RGS22: variants seen among roughly 807,000 people sequenced by gnomAD.
RGS22 encodes the protein regulator of G-protein signaling 22.
In RGS22, 148 loss-of-function variants were observed where a neutral mutation model predicts 172.9. The observed-to-expected ratio is 0.86, with a 90% CI of 0.75 to 0.98. RGS22 has a LOEUF of 0.98. RGS22 is among the 50% of genes least tolerant of loss of function. The pLI is 0.00. For synonymous variants in RGS22, 458 were observed against 480.2 expected (o/e 0.95, Z 0.60); for missense variants, 1,347 against 1,440.8 (o/e 0.93, Z 1.05).
At chr8:99,991,683 G>C (rs975349508) in intron 20 of RGS22, among the ~76,000 whole-genome samples, 1 of 152,138 alleles carries the variant, frequency 6.6e-6, no homozygotes, top group African/African-American at 2.4e-5. Flanking sequence ...AACCAAGTTG[G>C]AAAACACTCT....
At chr8:100,094,681 T>C (rs572866815) in intron 2 of RGS22, among the ~76,000 whole-genome samples, 8 of 152,322 alleles carry the variant, frequency 5.3e-5, no homozygotes, top group South Asian at 2.1e-4. Flanking sequence ...AAAGTCCTGA[T>C]TGGCAAAGTC....
At chr8:100,023,589 A>G (rs1817847506) in intron 14 of RGS22, among the ~76,000 whole-genome samples, 1 of 152,024 alleles carries the variant, frequency 6.6e-6, no homozygotes, top group Admixed American at 6.6e-5. Flanking sequence ...ACGGGCCACC[A>G]CACCTGGCTA....
intron 1 of RGS22, 123 bp from the exon 2 acceptor site, chr8:100,105,525 C>T: frequency 1.2e-6 from 1 of 808,644 alleles, no homozygotes; most frequent in Non-Finnish European, 2.1e-6. Flanking sequence ...ATTTCTGGCC[C>T]TCTGTTCATT....
At chr8:100,093,762 T>C (rs998203084) in intron 2 of RGS22, among the ~76,000 whole-genome samples, 57 of 152,160 alleles carry the variant, frequency 3.7e-4, no homozygotes, top group Admixed American at 2.4e-3. Flanking sequence ...TATACTTAGT[T>C]GGAAAACAGA....
intron 14 of RGS22, among the ~76,000 whole-genome samples, chr8:100,012,515 G>A (rs769959347): frequency 3.3e-5 from 5 of 151,944 alleles, no homozygotes; most frequent in Admixed American, 6.6e-5. Flanking sequence ...CCAGGAGTTC[G>A]AGATTACAGT....
intron 20 of RGS22, among the ~76,000 whole-genome samples, chr8:99,990,549 C>A (rs990553965): frequency 6.6e-6 from 1 of 152,164 alleles, no homozygotes; most frequent in East Asian, 1.9e-4. Context: ...AGAGATGTAT[C>A]AGAATTCCAC....
At chr8:99,991,770 C>A (rs1200294623) in intron 20 of RGS22, among the ~76,000 whole-genome samples, 1 of 152,090 alleles carries the variant, frequency 6.6e-6, no homozygotes, top group Non-Finnish European at 1.5e-5. Context: ...ACAGAATACA[C>A]CAGAAAGATA....
chr8:100,002,186 G>A lies in RGS22; in HGVS notation c.2790+16C>T. 6.6e-7 allele frequency: 1 copy of A among 1,521,102 alleles called. No individual in the cohort carries two copies. 94.2% of individuals were successfully genotyped at this position (1,521,102 alleles called of 1,614,324 possible). A position where few individuals can be genotyped will look rare whatever the true frequency, so the allele number is the denominator to read the frequency against. On this transcript the variant is annotated intron_variant, in intron 18 of 27. Coordinates refer to ENST00000360863, the MANE Select transcript of RGS22 (RefSeq NM_015668.5). ...TTTCAAACATCAATTAAAAAAATAG[G>A]TTTGCATGTTGATACCTGGTTCTGC...
At chr8:100,078,315 T>C (rs1811507658) in intron 4 of RGS22, among the ~76,000 whole-genome samples, 1 of 151,860 alleles carries the variant, frequency 6.6e-6, no homozygotes, top group African/African-American at 2.4e-5. Context: ...CATAGCTTAC[T>C]GCAGCCTCAA....
At chr8:100,072,521 G>A (rs1243110701) in intron 4 of RGS22, among the ~76,000 whole-genome samples, 2 of 152,006 alleles carry the variant, frequency 1.3e-5, no homozygotes, top group Non-Finnish European at 2.9e-5. Flanking sequence ...TTGAAGGAGG[G>A]AGAATGAGGG....
intron 19 of RGS22, among the ~76,000 whole-genome samples, chr8:99,997,419 T>C (rs565541169): frequency 1.8e-4 from 28 of 152,274 alleles, no homozygotes; most frequent in African/African-American, 6.0e-4. Flanking sequence ...AAGAAAGAGA[T>C]TGAGGAGATT....
intron 14 of RGS22, 90 bp from the exon 15 acceptor site, chr8:100,008,659 A>G: frequency 5.2e-6 from 5 of 964,794 alleles, no homozygotes; most frequent in African/African-American, 1.7e-5. Context: ...TTAAAAACTA[A>G]GAGAAGGCAA....
At chr8:100,002,622 A>T (rs1228582201) in intron 17 of RGS22, among the ~76,000 whole-genome samples, 1 of 152,254 alleles carries the variant, frequency 6.6e-6, no homozygotes, top group Non-Finnish European at 1.5e-5. Context: ...AAAATCCGTC[A>T]CCATTATTGG....
rs1268819880 is a variant in RGS22 at position 100,071,506 on chromosome 8, T to C, written c.457A>G (p.Ser153Gly). 2.5e-6 allele frequency: 4 copies of C among 1,611,368 alleles called. No homozygotes were observed. The highest frequency in any genetic ancestry group is 2.5e-6 in the Non-Finnish European group (3 of 1,178,864). ...ACTGTGAAATTCATGCCGGACTTGC[T>C]CCATCTTACTTGTGAGACCAATTTG... ...LAKLVSQVRW[S>G]KSGMNFTVGS... The change falls in exon 6 of 28, where the codon AGC (serine) becomes GGC (glycine). Residue 153 changes from serine to glycine, a missense_variant. Ser to Gly is a moderately conservative substitution (Grantham distance 56). Transcript: ENST00000360863.
chr8:99,998,584 G>C (rs753351623), intron 19 of RGS22, among the ~76,000 whole-genome samples: 1 of 152,020 alleles, frequency 6.6e-6, no homozygotes, highest in Non-Finnish European at 1.5e-5. Context: ...GGTGACCCCT[G>C]ACTCTCAAAT....
chr8:99,982,490 C>T (rs1260257568), intron 21 of RGS22, among the ~76,000 whole-genome samples: 1 of 152,170 alleles, frequency 6.6e-6, no homozygotes, highest in East Asian at 1.9e-4. Context: ...GTTCAATCTC[C>T]ACTGGAGGAG....
chr8:100,079,185 T>C (rs937385020), intron 4 of RGS22, among the ~76,000 whole-genome samples: 7 of 152,198 alleles, frequency 4.6e-5, no homozygotes, highest in Non-Finnish European at 1.0e-4. Flanking sequence ...ACAATAAACA[T>C]TGTCCCACCT....
chr8:100,043,346 C>T (rs1820346890), intron 11 of RGS22, among the ~76,000 whole-genome samples: 1 of 152,174 alleles, frequency 6.6e-6, no homozygotes, highest in Admixed American at 6.5e-5. Context: ...AATATGAAGA[C>T]CTTTGTTTTT....
chr8:100,098,551 G>A (rs1296792008), intron 2 of RGS22, among the ~76,000 whole-genome samples: 3 of 152,166 alleles, frequency 2.0e-5, no homozygotes, highest in Non-Finnish European at 4.4e-5. Context: ...GTCTATGAAG[G>A]AGGAAGATAT....
Sources: gnomAD v4.1 joint callset for allele counts (sites outside exome capture counted in the v4.1 genomes callset) on GRCh38, gnomAD v4.1.1 for gene constraint, MANE v1.5 for transcripts, NCBI Gene and HGNC (gene_info 2026-07-23, HGNC 2026-07-21) for gene names.